Variants in SATL1 observed in about 807,000 individuals in gnomAD.
SATL1 encodes spermidine/spermine N1-acetyl transferase like 1.
Under a neutral mutation model 51.8 loss-of-function variants are expected in SATL1, and 47 were observed. That is an observed-to-expected ratio of 0.91 (90% CI 0.72 to 1.16). SATL1 has a LOEUF of 1.16. Among genes scored for constraint, SATL1 ranks in the 50% most tolerant of loss-of-function variants. The pLI is 0.00. For missense variants in SATL1, 520 were observed against 526.4 expected (o/e 0.99, Z 0.12); for synonymous variants, 176 against 182.4 (o/e 0.97, Z 0.28).
At chrX:85,234,554 G>T (rs988289990) in intron 1 of SATL1, among the ~76,000 whole-genome samples, 1 of 111,779 alleles carries the variant, frequency 8.9e-6, no homozygotes, top group African/African-American at 3.2e-5. Context: ...TTAAAATGGG[G>T]ACACAAAGCT....
intron 2 of SATL1, among the ~76,000 whole-genome samples, chrX:85,129,027 C>T (rs1925705781): frequency 8.9e-6 from 1 of 111,741 alleles, no homozygotes; most frequent in East Asian, 2.8e-4. Context: ...GGTACCAGTG[C>T]CATGCTGTTT....
At chrX:85,144,651 C>T (rs910638966) in intron 2 of SATL1, among the ~76,000 whole-genome samples, 11 of 111,997 alleles carry the variant, frequency 9.8e-5, no homozygotes. Flanking sequence ...TTTCTCAGTT[C>T]AGATCAGGGA....
intron 4 of SATL1, among the ~76,000 whole-genome samples, chrX:85,100,719 G>T (rs1648455591): frequency 9.0e-6 from 1 of 111,611 alleles, no homozygotes; most frequent in Non-Finnish European, 1.9e-5. Context: ...ACATTCATAT[G>T]GAATTCCAAG....
chrX:85,205,202 G>A (rs956939317), intron 2 of SATL1, among the ~76,000 whole-genome samples: 4 of 111,848 alleles, frequency 3.6e-5, no homozygotes, highest in African/African-American at 9.7e-5. Flanking sequence ...ATTCCTTTTG[G>A]TCTTTAGCAT....
chrX:85,228,323 G>T (rs910122080), intron 1 of SATL1, among the ~76,000 whole-genome samples: 1 of 110,756 alleles, frequency 9.0e-6, no homozygotes, highest in Non-Finnish European at 1.9e-5. Flanking sequence ...TGTCATTCCA[G>T]TAATTTTTTT....
At chrX:85,102,727 C>T (rs1257585352) in intron 4 of SATL1, among the ~76,000 whole-genome samples, 3 of 111,566 alleles carry the variant, frequency 2.7e-5, no homozygotes, top group Non-Finnish European at 5.7e-5. Context: ...GGGGCATTAT[C>T]TCAACATAGT....
intron 2 of SATL1, among the ~76,000 whole-genome samples, chrX:85,111,099 A>G (rs763162305): frequency 1.8e-4 from 20 of 113,226 alleles, no homozygotes; most frequent in African/African-American, 6.4e-4. Context: ...TTACTTTACA[A>G]AATCAAACAA....
At chrX:85,241,635 G>A (rs1263740464) in intron 1 of SATL1, among the ~76,000 whole-genome samples, 1 of 111,568 alleles carries the variant, frequency 9.0e-6, no homozygotes, top group Non-Finnish European at 1.9e-5. Context: ...TCTCCCCATT[G>A]TTCCCTAGCC....
At chrX:85,106,934 T>G (rs994404665) in intron 3 of SATL1, among the ~76,000 whole-genome samples, 82 of 111,477 alleles carry the variant, frequency 7.4e-4, no homozygotes, top group African/African-American at 2.5e-3. Flanking sequence ...AAATATGAAA[T>G]TCTATCATCG....
chrX:85,222,089 A>G (rs1000660144), intron 2 of SATL1, among the ~76,000 whole-genome samples: 2 of 111,958 alleles, frequency 1.8e-5, no homozygotes, highest in Non-Finnish European at 3.8e-5. Flanking sequence ...AGGCATAGTT[A>G]TATATAGGAG....
At chrX:85,240,060 C>T (rs1382744719) in intron 1 of SATL1, among the ~76,000 whole-genome samples, 2 of 111,281 alleles carry the variant, frequency 1.8e-5, no homozygotes, top group Non-Finnish European at 3.8e-5. Context: ...TTTCAAATCA[C>T]GTATCTGATA....
chrX:85,242,864 G>A (rs1471741456), intron 1 of SATL1, among the ~76,000 whole-genome samples: 6 of 112,087 alleles, frequency 5.4e-5, no homozygotes, highest in African/African-American at 6.5e-5. Flanking sequence ...TCTGCTGAAC[G>A]TGTCTATGGC....
intron 2 of SATL1, among the ~76,000 whole-genome samples, chrX:85,199,363 G>A (rs1602906708): frequency 9.0e-6 from 1 of 111,480 alleles, no homozygotes; most frequent in African/African-American, 3.3e-5. Context: ...TACGGAGAAC[G>A]CTTTGGAAGC....
At chrX:85,236,183 A>C (rs1928478242) in intron 1 of SATL1, among the ~76,000 whole-genome samples, 1 of 111,268 alleles carries the variant, frequency 9.0e-6, no homozygotes. Flanking sequence ...AACGAGACTC[A>C]AGCTGTAATA....
intron 2 of SATL1, among the ~76,000 whole-genome samples, chrX:85,178,522 T>G (rs1193715994): frequency 1.8e-5 from 2 of 108,870 alleles, no homozygotes; most frequent in Non-Finnish European, 3.8e-5. Context: ...TAGCTGGAAT[T>G]CTAGTAGTGC....
At chrX:85,186,545 C>T (rs1927317646) in intron 2 of SATL1, among the ~76,000 whole-genome samples, 1 of 111,424 alleles carries the variant, frequency 9.0e-6, no homozygotes, top group Non-Finnish European at 1.9e-5. Flanking sequence ...GACAATTCAC[C>T]TCTGTCTAGG....
chrX:85,243,366 G>A (rs1928686959), intron 1 of SATL1, among the ~76,000 whole-genome samples: 1 of 111,892 alleles, frequency 8.9e-6, no homozygotes, highest in Non-Finnish European at 1.9e-5. Context: ...ATTTCTCACT[G>A]TCCTCCCACT....
intron 2 of SATL1, among the ~76,000 whole-genome samples, chrX:85,171,971 A>T (rs1396802416): frequency 1.8e-5 from 2 of 111,673 alleles, no homozygotes; most frequent in Non-Finnish European, 3.8e-5. Flanking sequence ...AATTCAATAC[A>T]TAATTTGTTT....
At chrX:85,156,384 T>C (rs1488575328) in intron 2 of SATL1, 1 of 111,478 alleles carries the variant, frequency 9.0e-6, no homozygotes, top group African/African-American at 3.3e-5. Context: ...TTGATACTGA[T>C]ATGAGGCCTC....
Sources: allele counts gnomAD v4.1 joint callset (sites outside exome capture counted in the v4.1 genomes callset), GRCh38; gene constraint gnomAD v4.1.1; transcripts MANE v1.5; gene names NCBI Gene and HGNC (gene_info 2026-07-23, HGNC 2026-07-21).